The following HERC3 variants were observed in gnomAD, a reference collection of about 807,000 sequenced individuals.
HERC3 encodes probable E3 ubiquitin-protein ligase HERC3.
In HERC3, 58 loss-of-function variants were observed where a neutral mutation model predicts 129.9. The ratio of observed to expected loss-of-function variants is 0.45; its 90% CI spans 0.36 to 0.56. HERC3 has a LOEUF of 0.56. HERC3 is among the 20% of genes least tolerant of loss of function. The pLI, the probability that HERC3 is intolerant of heterozygous loss-of-function variation, is 0.00. For synonymous variants in HERC3, 430 were observed against 451.0 expected, an observed-to-expected ratio of 0.95 and a Z score of 0.59; for missense variants, 835 against 1,244.2, an observed-to-expected ratio of 0.67 and a Z score of 4.95.
chr4:88,632,609 T>C (rs1296170179), intron 3 of HERC3, among the ~76,000 whole-genome samples: 1 of 152,138 alleles, frequency 6.6e-6, no homozygotes, highest in Admixed American at 6.5e-5. Context: ...CCAAATACCA[T>C]AACTAAAATG....
chr4:88,560,502 A>AC, the HERC3 span, among the ~76,000 whole-genome samples: 2 of 120,424 alleles, frequency 1.7e-5, no homozygotes, highest in Non-Finnish European at 3.2e-5. Flanking sequence ...TACCAGGTAT[A>AC]TGTTTGCAAA....
intron 3 of HERC3, among the ~76,000 whole-genome samples, chr4:88,648,992 C>G (rs1167879428): frequency 1.3e-5 from 2 of 151,842 alleles, no homozygotes; most frequent in Admixed American, 6.6e-5. Context: ...CTATAGCACT[C>G]TCTTTCTAGT....
At chr4:88,639,327 C>T (rs1033893128) in intron 3 of HERC3, among the ~76,000 whole-genome samples, 1 of 152,160 alleles carries the variant, frequency 6.6e-6, no homozygotes, top group African/African-American at 2.4e-5. Context: ...CATCATGTTA[C>T]CTGATTTCAA....
chr4:88,607,868 T>G (rs546635749), intron 3 of HERC3, among the ~76,000 whole-genome samples: 1 of 152,236 alleles, frequency 6.6e-6, no homozygotes, highest in African/African-American at 2.4e-5. Context: ...ATGAATCTTC[T>G]TTTGGTGAGA....
intron 14 of HERC3, among the ~76,000 whole-genome samples, chr4:88,669,511 G>A (rs554109279): frequency 2.6e-5 from 4 of 152,260 alleles, no homozygotes; most frequent in South Asian, 4.1e-4. Context: ...GGCTGAAAGC[G>A]CTAGGACATA....
At chr4:88,675,869 C>CT (rs1345128011) in intron 16 of HERC3, among the ~76,000 whole-genome samples, 1 of 152,102 alleles carries the variant, frequency 6.6e-6, no homozygotes, top group Non-Finnish European at 1.5e-5. Context: ...GTATTGTCCA[C>CT]TTTACCCAAC....
intron 2 of HERC3, among the ~76,000 whole-genome samples, chr4:88,597,027 TTC>T (rs1722476161): frequency 6.6e-6 from 1 of 152,188 alleles, no homozygotes; most frequent in East Asian, 1.9e-4. Context: ...CTGTACAGTG[TTC>T]TGTTTTATGC....
the HERC3 span, among the ~76,000 whole-genome samples, chr4:88,581,687 A>G: frequency 3.3e-5 from 5 of 152,064 alleles, no homozygotes; most frequent in African/African-American, 1.2e-4. Context: ...CCTGGGCCCA[A>G]GTGATCTGCC....
chr4:88,566,963 T>G, the HERC3 span, among the ~76,000 whole-genome samples: 3 of 149,282 alleles, frequency 2.0e-5, no homozygotes, highest in Non-Finnish European at 4.5e-5. Context: ...CTAATTTTTG[T>G]TTTTTTTGTG....
At chr4:88,607,376 T>C (rs1407094123) in intron 3 of HERC3, among the ~76,000 whole-genome samples, 1 of 152,204 alleles carries the variant, frequency 6.6e-6, no homozygotes, top group Non-Finnish European at 1.5e-5. Context: ...GGGGGACTAA[T>C]TCGTTTCCTT....
chr4:88,586,877 A>T, the HERC3 span, among the ~76,000 whole-genome samples: 1 of 152,232 alleles, frequency 6.6e-6, no homozygotes, highest in African/African-American at 2.4e-5. Flanking sequence ...TACAATGGGA[A>T]AAATGATATA....
intron 13 of HERC3, 116 bp from the exon 14 acceptor site, chr4:88,667,776 C>T (rs1044378449): frequency 1.9e-5 from 15 of 770,654 alleles, no homozygotes; most frequent in African/African-American, 5.3e-5. Flanking sequence ...AGTAGGTTCT[C>T]AGTGCATAGT....
At chr4:88,538,833 A>G in the HERC3 span, among the ~76,000 whole-genome samples, 1 of 152,142 alleles carries the variant, frequency 6.6e-6, no homozygotes, top group Admixed American at 6.5e-5. Flanking sequence ...GTGAGCCACC[A>G]TGCCCGGCCC....
chr4:88,610,778 TC>T (rs887366375), intron 3 of HERC3, among the ~76,000 whole-genome samples: 1 of 152,148 alleles, frequency 6.6e-6, no homozygotes, highest in African/African-American at 2.4e-5. Flanking sequence ...ATAGCAAAGA[TC>T]TGTAGAAGGC....
chr4:88,545,497 G>C, the HERC3 span, among the ~76,000 whole-genome samples: 14 of 145,596 alleles, frequency 9.6e-5, no homozygotes, highest in Admixed American at 6.9e-4. Context: ...CAGTGGCGCA[G>C]TCATGGCTTA....
chr4:88,670,417 T>A (rs963415169), intron 16 of HERC3, among the ~76,000 whole-genome samples, 165 bp downstream of exon 16: 1 of 152,210 alleles, frequency 6.6e-6, no homozygotes, highest in African/African-American at 2.4e-5. Context: ...TAATCATCAA[T>A]GTTATAAGGA....
chr4:88,550,097 A>T, the HERC3 span, among the ~76,000 whole-genome samples: 2 of 152,186 alleles, frequency 1.3e-5, no homozygotes, highest in African/African-American at 4.8e-5. Flanking sequence ...TACTCGACCA[A>T]TGAGGAACTT....
At chr4:88,684,277 C>T (rs1263583688) in intron 21 of HERC3, among the ~76,000 whole-genome samples, 1 of 151,980 alleles carries the variant, frequency 6.6e-6, no homozygotes, top group Admixed American at 6.5e-5. Flanking sequence ...ATATATAGAC[C>T]AATAGAACAG....
chr4:88,639,282 A>G (rs1727804176), intron 3 of HERC3, among the ~76,000 whole-genome samples: 1 of 152,228 alleles, frequency 6.6e-6, no homozygotes, highest in African/African-American at 2.4e-5. Flanking sequence ...CCACATAGTC[A>G]AGGCAATCCT....
Sources: gnomAD v4.1 joint callset for allele counts (sites outside exome capture counted in the v4.1 genomes callset) on GRCh38, gnomAD v4.1.1 for gene constraint, MANE v1.5 for transcripts, NCBI Gene and HGNC (gene_info 2026-07-23, HGNC 2026-07-21) for gene names.